The following CYP4X1 variants were observed in gnomAD, a reference collection of about 807,000 sequenced individuals.
CYP4X1 encodes the protein cytochrome P450 4X1.
Under a neutral mutation model 57.9 loss-of-function variants are expected in CYP4X1, and 44 were observed. The observed-to-expected ratio is 0.76, with a 90% CI of 0.60 to 0.98. The LOEUF (loss-of-function observed/expected upper bound fraction) is 0.98, where lower values mean the gene tolerates loss of function less well. Ranked by LOEUF, CYP4X1 falls within the 50% of genes least tolerant of loss-of-function variation. The pLI is 0.00. For missense variants in CYP4X1, 532 were observed against 623.9 expected (o/e 0.85, Z 1.57); for synonymous variants, 227 against 228.6 (o/e 0.99, Z 0.06).
At chr1:46,962,092 G>C in the CYP4X1 span, among the ~76,000 whole-genome samples, 15 of 152,054 alleles carry the variant, frequency 9.9e-5, no homozygotes, top group Non-Finnish European at 1.9e-4. Flanking sequence ...TCTGAAGTAT[G>C]AGCTTTCTTT....
In CYP4X1 at chr1:47,049,978, T is replaced by A. The variant is rs1465725571; in HGVS notation, c.1356-22T>A. On this transcript the variant is annotated intron_variant, in intron 11 of 11. Coordinates refer to ENST00000371901, the MANE Select transcript of CYP4X1 (RefSeq NM_178033.2). ...GAAACATCATTTTTTCAAGTATCAC[T>A]TTCTTTCCCTCTTGTCTTCAGGAAC... 5 of 1,608,050 alleles carry A rather than the reference T, an allele frequency of 3.1e-6. No individual in the cohort carries two copies. The South Asian group carries it at 5.6e-5, about 18-fold the overall frequency.
the CYP4X1 span, among the ~76,000 whole-genome samples, chr1:46,992,866 T>G: frequency 6.6e-6 from 1 of 152,228 alleles, no homozygotes; most frequent in East Asian, 1.9e-4. Context: ...ACCAGCAATT[T>G]GTAAGAGTTC....
At chr1:47,038,390 A>G (rs2148511258) in intron 6 of CYP4X1, among the ~76,000 whole-genome samples, 1 of 152,302 alleles carries the variant, frequency 6.6e-6, no homozygotes, top group East Asian at 1.9e-4. Flanking sequence ...GGAAGAAAAG[A>G]ATAATTGGTC....
At chr1:46,975,651 G>T in the CYP4X1 span, among the ~76,000 whole-genome samples, 2 of 151,938 alleles carry the variant, frequency 1.3e-5, no homozygotes, top group African/African-American at 4.8e-5. Flanking sequence ...CTTGGGGATG[G>T]CCATCTTATA....
At chr1:46,967,851 T>G in the CYP4X1 span, 1 of 1,208,246 alleles carries the variant, frequency 8.3e-7, no homozygotes. Flanking sequence ...TCATGGCAAA[T>G]TTTTTCCCAA....
chr1:46,983,001 C>T, the CYP4X1 span, among the ~76,000 whole-genome samples: 1 of 152,160 alleles, frequency 6.6e-6, no homozygotes, highest in Admixed American at 6.5e-5. Flanking sequence ...ATGATCAGCC[C>T]AAGGTGGGGT....
Position 47,046,490 on chromosome 1 carries a change from A to G in CYP4X1, c.1097A>G (p.Tyr366Cys). 1 of 1,614,174 alleles carries G rather than the reference A, an allele frequency of 6.2e-7. No homozygotes were observed. The highest frequency in any genetic ancestry group is 8.5e-7 in the Non-Finnish European group (1 of 1,180,030). ...ITWDQLGEMSYTTMCIKETCR... is the reference protein window; with the variant it reads ...ITWDQLGEMSCTTMCIKETCR... ...AGGGACCAGCTGGGTGAGATGTCGTACACCACAATGTGCATCAAGGAGACG... is the reference window on the plus strand; with the variant it reads ...AGGGACCAGCTGGGTGAGATGTCGTGCACCACAATGTGCATCAAGGAGACG... The change falls in exon 9 of 12, where the codon TAC (tyrosine) becomes TGC (cysteine). Residue 366 changes from tyrosine (Y) to cysteine (C), a missense_variant. Coordinates refer to ENST00000371901, the MANE Select transcript of CYP4X1 (RefSeq NM_178033.2).
the CYP4X1 span, among the ~76,000 whole-genome samples, chr1:46,995,692 C>T: frequency 6.6e-6 from 1 of 152,206 alleles, no homozygotes; most frequent in East Asian, 1.9e-4. Flanking sequence ...TTAAGTCTTA[C>T]TCCCATCACT....
Position 47,038,110 on chromosome 1 carries a change from A to G in CYP4X1, c.776-550A>G, listed in dbSNP as rs1363075294. Among the ~76,000 whole-genome samples the G allele has an allele frequency of 2.0e-5, 3 of 152,182 alleles. No individual in the cohort carries two copies. The East Asian group carries it at 5.8e-4, about 29-fold the overall frequency. ...CAACATTAATAGACCTTATTTTTAGAAAAGTTTTAGGTTTGCAGAAAAATT... is the reference window on the plus strand; with the variant it reads ...CAACATTAATAGACCTTATTTTTAGGAAAGTTTTAGGTTTGCAGAAAAATT... On this transcript the variant is annotated intron_variant, in intron 6 of 11. Coordinates refer to ENST00000371901, the MANE Select transcript of CYP4X1 (RefSeq NM_178033.2).
intron 3 of CYP4X1, 49 bp downstream of exon 3, chr1:47,031,529 C>T: frequency 1.3e-6 from 2 of 1,595,104 alleles, no homozygotes; most frequent in Non-Finnish European, 1.7e-6. Context: ...TCAAAGTCCC[C>T]TTTCCATAGT....
At position 47,039,541 on chromosome 1, in the gene CYP4X1, T is replaced by C; in HGVS notation, c.1073+9T>C. 1.3e-6 allele frequency: 2 copies of C among 1,575,696 alleles called. No homozygotes were observed. Among genetic ancestry groups the C allele is most frequent in the Non-Finnish European group, 1.7e-6 (2 of 1,165,254 alleles). On this transcript the variant is annotated intron_variant, in intron 8 of 11. Coordinates refer to ENST00000371901, the MANE Select transcript of CYP4X1 (RefSeq NM_178033.2). ...GGGTCTTCTATCACTTGGTAAGATC[T>C]GCACCCCTAAATTTTCCTGCTAGTT...
At chr1:47,007,573 C>T in the CYP4X1 span, among the ~76,000 whole-genome samples, 109 of 152,240 alleles carry the variant, frequency 7.2e-4, no homozygotes, top group Middle Eastern at 3.4e-3. Context: ...CAAAGCTGGA[C>T]GGAGAATGAC....
chr1:47,038,474 T>G (rs2148511291), intron 6 of CYP4X1, among the ~76,000 whole-genome samples, 186 bp from the exon 7 acceptor site: 1 of 152,334 alleles, frequency 6.6e-6, no homozygotes, highest in East Asian at 1.9e-4. Flanking sequence ...TTTATTTGTG[T>G]TGTTTATCTT....
At chr1:46,995,236 A>G in the CYP4X1 span, among the ~76,000 whole-genome samples, 5 of 152,164 alleles carry the variant, frequency 3.3e-5, no homozygotes, top group African/African-American at 1.2e-4. Flanking sequence ...TACGTACCTA[A>G]TAGATTTAAG....
At chr1:47,034,805 G>A (rs74073885) in intron 4 of CYP4X1, among the ~76,000 whole-genome samples, 11,835 of 151,744 alleles carry the variant, frequency 0.078, 531 homozygotes, top group East Asian at 0.22. Context: ...TTCTCGGAGC[G>A]CTTCCTCCCC....
the CYP4X1 span, among the ~76,000 whole-genome samples, chr1:47,004,219 T>C: frequency 7.2e-5 from 11 of 152,358 alleles, no homozygotes; most frequent in African/African-American, 2.6e-4. Context: ...GCCGCTCCCA[T>C]CTTGTGGAGC....
At position 47,050,414 on chromosome 1, in the gene CYP4X1, T is replaced by G; in HGVS notation, c.*240T>G. The G allele has an allele frequency of 2.7e-6, 1 of 377,132 alleles. No homozygotes were observed. The allele number at this position is 377,132 out of a possible 1,614,324, so 23.4% of individuals were successfully genotyped here. On this transcript the variant is annotated 3_prime_UTR_variant, in exon 12 of 12. Coordinates refer to ENST00000371901, the MANE Select transcript of CYP4X1 (RefSeq NM_178033.2). ...GTTAAACTTTCACTACTATTAATGC[T>G]GTATACACCAATAGACTTTCATATA...
chr1:46,983,822 T>TG, the CYP4X1 span, among the ~76,000 whole-genome samples: 32 of 152,042 alleles, frequency 2.1e-4, no homozygotes, highest in African/African-American at 6.8e-4. Context: ...CTGCCACTGG[T>TG]CCGAGTGCTG....
upstream of CYP4X1, among the ~76,000 whole-genome samples, chr1:47,023,118 T>C (rs1046105904): frequency 2.0e-5 from 3 of 152,228 alleles, no homozygotes; most frequent in Middle Eastern, 3.2e-3. Context: ...GAATTGTTAA[T>C]AAAGTTTTTA....
Sources: gnomAD v4.1 joint callset for allele counts (sites outside exome capture counted in the v4.1 genomes callset) on GRCh38, gnomAD v4.1.1 for gene constraint, MANE v1.5 for transcripts, NCBI Gene and HGNC (gene_info 2026-07-23, HGNC 2026-07-21) for gene names.